The following CTIF variants were observed in gnomAD, a reference collection of about 807,000 sequenced individuals.
The protein encoded by CTIF is CBP80/20-dependent translation initiation factor.
CTIF carries 21 observed loss-of-function variants against 66.0 expected under a neutral mutation model. The ratio of observed to expected loss-of-function variants is 0.32; its 90% CI spans 0.23 to 0.46. The LOEUF (loss-of-function observed/expected upper bound fraction) is 0.46, where lower values mean the gene tolerates loss of function less well. Ranked by LOEUF, CTIF falls within the 20% of genes least tolerant of loss-of-function variation. The pLI is 1.00. For missense variants in CTIF, 739 were observed against 812.7 expected (o/e 0.91, Z 1.10); for synonymous variants, 345 against 326.4 (o/e 1.06, Z -0.62).
At chr18:48,819,851 C>T (rs2068446287) in intron 10 of CTIF, among the ~76,000 whole-genome samples, 1 of 152,202 alleles carries the variant, frequency 6.6e-6, no homozygotes. Context: ...GAAGCATTTA[C>T]CTGCTTTGAG....
At chr18:48,717,308 G>C (rs2092290846) in intron 7 of CTIF, among the ~76,000 whole-genome samples, 1 of 152,044 alleles carries the variant, frequency 6.6e-6, no homozygotes, top group South Asian at 2.1e-4. Flanking sequence ...TGAGGCAGGA[G>C]AATTGCCTGA....
intron 7 of CTIF, among the ~76,000 whole-genome samples, chr18:48,719,234 A>G (rs1015663599): frequency 2.6e-5 from 4 of 152,148 alleles, no homozygotes; most frequent in Admixed American, 6.5e-5. Flanking sequence ...TCCTTTTCAC[A>G]TGTGGGCTCA....
intron 7 of CTIF, among the ~76,000 whole-genome samples, chr18:48,749,961 G>A (rs1226764738): frequency 2.0e-5 from 3 of 152,202 alleles, no homozygotes; most frequent in East Asian, 3.9e-4. Flanking sequence ...CCAGGTTCAC[G>A]CGGAGCCTGG....
chr18:48,671,518 A>G (rs1174827833), intron 6 of CTIF, among the ~76,000 whole-genome samples: 1 of 152,018 alleles, frequency 6.6e-6, no homozygotes, highest in East Asian at 1.9e-4. Flanking sequence ...TGCCTTTGCC[A>G]TTTTGTTTCT....
At chr18:48,645,126 T>A (rs1437090489) in intron 3 of CTIF, among the ~76,000 whole-genome samples, 5 of 152,026 alleles carry the variant, frequency 3.3e-5, no homozygotes, top group African/African-American at 1.2e-4. Flanking sequence ...ACATTCTGTA[T>A]AAAATGAACG....
chr18:48,664,616 C>A, intron 5 of CTIF, 65 bp downstream of exon 5: 2 of 1,397,828 alleles, frequency 1.4e-6, no homozygotes, highest in East Asian at 2.3e-5. Flanking sequence ...GCCTTTGCCT[C>A]CACAGGGAGG....
At chr18:48,577,400 C>A (rs990655719) in intron 1 of CTIF, among the ~76,000 whole-genome samples, 2 of 152,190 alleles carry the variant, frequency 1.3e-5, no homozygotes, top group African/African-American at 4.8e-5. Flanking sequence ...TTCCCTTCTG[C>A]CATATTTTGT....
chr18:48,759,104 C>T (rs1908702833), intron 8 of CTIF, among the ~76,000 whole-genome samples: 1 of 152,132 alleles, frequency 6.6e-6, no homozygotes, highest in East Asian at 1.9e-4. Flanking sequence ...AGGAGATGAC[C>T]CTAAACCTCC....
intron 9 of CTIF, among the ~76,000 whole-genome samples, chr18:48,790,490 AT>A (rs1387097489): frequency 1.3e-5 from 2 of 152,250 alleles, no homozygotes; most frequent in African/African-American, 2.4e-5. Context: ...AGGACGCCCC[AT>A]GGAGCCCTTT....
chr18:48,630,075 C>T (rs2090674839), intron 2 of CTIF, among the ~76,000 whole-genome samples: 1 of 152,164 alleles, frequency 6.6e-6, no homozygotes, highest in Non-Finnish European at 1.5e-5. Context: ...AATTGTATGG[C>T]ATTCCAAGCA....
chr18:48,782,434 G>A (rs564763962), intron 9 of CTIF, among the ~76,000 whole-genome samples: 20 of 152,206 alleles, frequency 1.3e-4, no homozygotes, highest in African/African-American at 4.3e-4. Context: ...CCCCCCACCC[G>A]CTCCCCATCC....
chr18:48,677,121 C>T (rs533110582), intron 6 of CTIF, among the ~76,000 whole-genome samples: 2 of 152,272 alleles, frequency 1.3e-5, no homozygotes, highest in Admixed American at 1.3e-4. Flanking sequence ...TTAGCTGTTG[C>T]CAAGTCTTCT....
intron 9 of CTIF, among the ~76,000 whole-genome samples, chr18:48,766,609 G>A (rs1909568179): frequency 6.6e-6 from 1 of 152,222 alleles, no homozygotes; most frequent in Admixed American, 6.5e-5. Flanking sequence ...CACTGTTGAG[G>A]AGACACCCCA....
At chr18:48,794,380 TCTAAGGGCCATCTGCAACTCGAGAG>T (rs1165842069) in intron 9 of CTIF, among the ~76,000 whole-genome samples, 2 of 152,068 alleles carry the variant, frequency 1.3e-5, no homozygotes, top group Admixed American at 1.3e-4. Context: ...GAAAGCCAGA[TCTAAGGGCCATCTGCAACTCGAGAG>T]CTAAGGGCCT....
At chr18:48,659,186 C>T (rs888638104) in intron 3 of CTIF, among the ~76,000 whole-genome samples, 2 of 152,064 alleles carry the variant, frequency 1.3e-5, no homozygotes, top group Non-Finnish European at 2.9e-5. Context: ...TCTTGATATG[C>T]ACTGCAGTTC....
rs539910630 is a variant in CTIF, at chr18:48,726,464, G to A, written c.584+14769G>A. 2.6e-5 allele frequency among the ~76,000 whole-genome samples: 4 copies of A among 152,284 alleles called. 1 individual carries two copies. Among genetic ancestry groups the A allele is most frequent in the African/African-American group, 7.2e-5 (3 of 41,558 alleles). ...AGTGTAGTCAAACTGTCAGCCAGGG[G>A]TGTAGGCATCTGAAGGCATGACTGG... On this transcript the variant is annotated intron_variant, in intron 7 of 11. Transcript: ENST00000256413.
chr18:48,664,921 T>G (rs2091412033), intron 5 of CTIF, among the ~76,000 whole-genome samples: 1 of 149,496 alleles, frequency 6.7e-6, no homozygotes, highest in South Asian at 2.1e-4. Context: ...TTTTTTTTTT[T>G]TTTTGAGACG....
chr18:48,607,857 G>A (rs1304395129), intron 1 of CTIF, among the ~76,000 whole-genome samples: 2 of 152,344 alleles, frequency 1.3e-5, no homozygotes, highest in South Asian at 2.1e-4. Flanking sequence ...CTTCAGCCAG[G>A]TTATGGTTGA....
chr18:48,670,634 A>T, intron 5 of CTIF, 35 bp from the exon 6 acceptor site: 1 of 1,594,710 alleles, frequency 6.3e-7, no homozygotes, highest in Non-Finnish European at 8.6e-7. Context: ...TGAATGAGCC[A>T]TCTTTCCAAT....
Sources: allele counts gnomAD v4.1 joint callset (sites outside exome capture counted in the v4.1 genomes callset), GRCh38; gene constraint gnomAD v4.1.1; transcripts MANE v1.5; gene names NCBI Gene and HGNC (gene_info 2026-07-23, HGNC 2026-07-21).